The following SRP54 variants were observed in gnomAD, a reference collection of about 807,000 sequenced individuals.
SRP54 encodes the protein signal recognition particle subunit SRP54.
SRP54 carries 10 observed loss-of-function variants against 64.8 expected under a neutral mutation model. That is an observed-to-expected ratio of 0.15 (90% CI 0.10 to 0.26). SRP54 has a LOEUF of 0.26. SRP54 is among the 10% of genes least tolerant of loss of function. The probability of loss-of-function intolerance (pLI) is 1.00; values close to 1 mark genes in which losing one functional copy is unlikely to be tolerated. For synonymous variants in SRP54, 193 were observed against 185.6 expected (o/e 1.04, Z -0.32); for missense variants, 325 against 613.7 (o/e 0.53, Z 4.97).
intron 1 of SRP54, among the ~76,000 whole-genome samples, chr14:34,986,502 C>T (rs556246484): frequency 8.5e-4 from 130 of 152,228 alleles, no homozygotes; most frequent in Middle Eastern, 3.4e-3. Flanking sequence ...TCACAAGGAA[C>T]GCTTTGGAAA....
intron 1 of SRP54, among the ~76,000 whole-genome samples, chr14:34,984,908 C>CT (rs34789836): frequency 0.039 from 5,515 of 141,498 alleles, 132 homozygotes; most frequent in Middle Eastern, 0.087. Context: ...CTTCACCTTC[C>CT]TTTTTTTTTT....
At chr14:34,991,109 CTTTTTTTTTT>C (rs71435838) in intron 1 of SRP54, among the ~76,000 whole-genome samples, 1 of 111,086 alleles carries the variant, frequency 9.0e-6, no homozygotes, top group African/African-American at 3.3e-5. Context: ...AATTTCTTTT[CTTTTTTTTTT>C]TTTTTTTTTT....
intron 1 of SRP54, among the ~76,000 whole-genome samples, chr14:34,996,363 C>A (rs1047765359): frequency 1.3e-5 from 2 of 151,996 alleles, no homozygotes; most frequent in Middle Eastern, 3.2e-3. Context: ...TTCAGTTATT[C>A]ATAAGTATTG....
At chr14:35,007,460 T>C (rs1226724941) in intron 5 of SRP54, 73 bp downstream of exon 5, 3 of 789,138 alleles carry the variant, frequency 3.8e-6, no homozygotes, top group Non-Finnish European at 5.5e-6. Context: ...GTATTTAATA[T>C]AAAAATGTAA....
chr14:34,992,458 C>A (rs1480505205), intron 1 of SRP54, among the ~76,000 whole-genome samples: 1 of 152,042 alleles, frequency 6.6e-6, no homozygotes, highest in African/African-American at 2.4e-5. Context: ...TACTAGGCAG[C>A]CATAAAAAGA....
At chr14:34,989,273 C>T (rs941514265) in intron 1 of SRP54, among the ~76,000 whole-genome samples, 6 of 152,022 alleles carry the variant, frequency 3.9e-5, no homozygotes, top group Admixed American at 6.6e-5. Flanking sequence ...TGGGAGGCCA[C>T]GGTGGGTGGA....
intron 15 of SRP54, among the ~76,000 whole-genome samples, chr14:35,028,650 ATAG>A (rs1322397166): frequency 6.6e-6 from 1 of 152,226 alleles, no homozygotes; most frequent in Admixed American, 6.5e-5. Flanking sequence ...TTCTGGGCAT[ATAG>A]TAGATGTTCA....
At chr14:35,020,491 C>CCTG (rs1430179219) in intron 13 of SRP54, among the ~76,000 whole-genome samples, 1 of 152,166 alleles carries the variant, frequency 6.6e-6, no homozygotes, top group Non-Finnish European at 1.5e-5. Flanking sequence ...TCTGTCAAAC[C>CCTG]CTGCTGCTGC....
intron 1 of SRP54, among the ~76,000 whole-genome samples, chr14:34,988,589 A>ATATATATATG (rs2043937775): frequency 8.2e-6 from 1 of 122,356 alleles, no homozygotes; most frequent in Non-Finnish European, 1.8e-5. Context: ...ATATATATAT[A>ATATATATATG]TATATAACAT....
chr14:35,009,393 G>A (rs2044319959), intron 7 of SRP54, among the ~76,000 whole-genome samples: 1 of 148,326 alleles, frequency 6.7e-6, no homozygotes, highest in Admixed American at 6.7e-5. Context: ...TTTTGGTGGT[G>A]GTTCTTAATT....
intron 4 of SRP54, among the ~76,000 whole-genome samples, chr14:35,002,248 G>A (rs911970874): frequency 6.6e-6 from 1 of 151,914 alleles, no homozygotes; most frequent in Non-Finnish European, 1.5e-5. Context: ...CAGCTACTCC[G>A]GAGGGTGAGG....
Position 35,029,414 on chromosome 14 carries a change from A to T in SRP54, c.*262A>T. ...TTTCTTCTGTTTTCACCATCATAAC[A>T]CTTAAGTTAAATCATGATGTAAAAT... On this transcript the variant is annotated 3_prime_UTR_variant, in exon 16 of 16. Coordinates refer to ENST00000216774, the MANE Select transcript of SRP54 (RefSeq NM_003136.4). 6.5e-6 allele frequency: 2 copies of T among 309,414 alleles called. No individual in the cohort carries two copies. Among genetic ancestry groups the T allele is most frequent in the Non-Finnish European group, 1.2e-5 (2 of 168,286 alleles). The allele number at this position is 309,414 out of a possible 1,614,324, so 19.2% of individuals were successfully genotyped here. A position where few individuals can be genotyped will look rare whatever the true frequency, so the allele number is the denominator to read the frequency against.
intron 11 of SRP54, among the ~76,000 whole-genome samples, chr14:35,017,011 C>T (rs528789966): frequency 2.7e-4 from 41 of 152,140 alleles, no homozygotes; most frequent in African/African-American, 7.2e-4. Context: ...TGCACTGCCA[C>T]GCCCGGCTAA....
chr14:34,999,220 G>A (rs2044133095), intron 2 of SRP54, among the ~76,000 whole-genome samples: 1 of 151,854 alleles, frequency 6.6e-6, no homozygotes, highest in Admixed American at 6.6e-5. Flanking sequence ...TCGCCATGTT[G>A]GCCAGGCTGT....
intron 4 of SRP54, among the ~76,000 whole-genome samples, chr14:35,001,311 C>T (rs2044168793): frequency 6.6e-6 from 1 of 151,612 alleles, no homozygotes; most frequent in African/African-American, 2.4e-5. Context: ...ACCACCATGC[C>T]CGGCTAATTC....
In SRP54 at chr14:35,022,842, C is replaced by T. The variant is rs561385715; in HGVS notation, c.1157-68C>T. The T allele has an allele frequency of 6.2e-6, 8 of 1,298,546 alleles. No individual in the cohort carries two copies. The East Asian group carries it at 1.0e-4, about 17-fold the overall frequency. The allele number at this position is 1,298,546 out of a possible 1,614,324, so 80.4% of individuals were successfully genotyped here. ...TAAGCTCTTTGAAGTTATATATTGC[C>T]CATTTGCACATAACTGCTTTGATGG... On this transcript the variant is annotated intron_variant, in intron 13 of 15. Coordinates refer to ENST00000216774, the MANE Select transcript of SRP54 (RefSeq NM_003136.4).
chr14:35,001,312 C>T (rs1038171107), intron 4 of SRP54, among the ~76,000 whole-genome samples: 15 of 151,686 alleles, frequency 9.9e-5, no homozygotes, highest in Admixed American at 2.6e-4. Flanking sequence ...CCACCATGCC[C>T]GGCTAATTCT....
chr14:34,997,710 C>A (rs777606805), intron 2 of SRP54, among the ~76,000 whole-genome samples: 2 of 152,162 alleles, frequency 1.3e-5, no homozygotes, highest in Non-Finnish European at 2.9e-5. Flanking sequence ...TCATTTAGTT[C>A]AGCCTCTTAT....
chr14:34,988,411 A>C (rs1192811804), intron 1 of SRP54, among the ~76,000 whole-genome samples: 1 of 150,258 alleles, frequency 6.7e-6, no homozygotes, highest in Non-Finnish European at 1.5e-5. Context: ...AAAATACAAA[A>C]ATTAGGTGGG....
Sources: gnomAD v4.1 joint callset for allele counts (sites outside exome capture counted in the v4.1 genomes callset) on GRCh38, gnomAD v4.1.1 for gene constraint, MANE v1.5 for transcripts, NCBI Gene and HGNC (gene_info 2026-07-23, HGNC 2026-07-21) for gene names.